Variants in MCF2L2 observed in about 807,000 individuals in gnomAD.
MCF2L2 encodes MCF.2 cell line derived transforming sequence-like 2.
MCF2L2 carries 102 observed loss-of-function variants against 150.2 expected under a neutral mutation model. That is an observed-to-expected ratio of 0.68 (90% CI 0.58 to 0.80). The LOEUF is 0.80. Among genes scored for constraint, MCF2L2 ranks in the 30% least tolerant of loss-of-function variants. The pLI, the probability that MCF2L2 is intolerant of heterozygous loss-of-function variation, is 0.00. For synonymous variants in MCF2L2, 465 were observed against 491.3 expected, an observed-to-expected ratio of 0.95 and a Z score of 0.71; for missense variants, 1,256 against 1,372.8, an observed-to-expected ratio of 0.91 and a Z score of 1.34.
chr3:183,344,662 G>A (rs1284307645), intron 3 of MCF2L2, among the ~76,000 whole-genome samples: 4 of 152,146 alleles, frequency 2.6e-5, no homozygotes, highest in African/African-American at 9.7e-5. Context: ...ACCCATTGGT[G>A]TGCTGTATTC....
chr3:183,413,970 G>A (rs905198770), intron 1 of MCF2L2, among the ~76,000 whole-genome samples: 4 of 152,126 alleles, frequency 2.6e-5, no homozygotes, highest in Admixed American at 6.5e-5. Flanking sequence ...AAGTGGACCC[G>A]TACAGTTCAA....
chr3:183,231,162 T>C (rs756052819), intron 15 of MCF2L2, 145 bp from the exon 16 acceptor site: 32 of 708,760 alleles, frequency 4.5e-5, no homozygotes, highest in Non-Finnish European at 6.4e-5. Context: ...GTTCATTCTG[T>C]TCTATTGAAC....
Position 183,427,882 on chromosome 3 carries a change from A to G in MCF2L2, c.76+20T>C, listed in dbSNP as rs1310007680. 1.2e-6 allele frequency: 2 copies of G among 1,611,190 alleles called. No individual in the cohort carries two copies. The highest frequency in any genetic ancestry group is 1.7e-5 in the Admixed American group (1 of 60,002). The stretch of plus-strand genomic sequence containing the variant: ...CACCCGCCATTAATAAAACGCAGGA[A>G]AAATTAAAGCTTCGTTTACCGACAT... On this transcript the variant is annotated intron_variant, in intron 1 of 29. Coordinates refer to ENST00000328913, the MANE Select transcript of MCF2L2 (RefSeq NM_015078.4).
At chr3:183,386,651 G>A (rs982977904) in intron 2 of MCF2L2, among the ~76,000 whole-genome samples, 4 of 152,160 alleles carry the variant, frequency 2.6e-5, no homozygotes, top group African/African-American at 7.2e-5. Flanking sequence ...TACCTTACTT[G>A]CCTGAATCAG....
At chr3:183,255,651 T>C (rs114226988) in intron 15 of MCF2L2, among the ~76,000 whole-genome samples, 174 of 152,234 alleles carry the variant, frequency 1.1e-3, no homozygotes, top group African/African-American at 4.1e-3. Context: ...GAGGTAGAGA[T>C]GCTTATAACT....
intron 15 of MCF2L2, among the ~76,000 whole-genome samples, chr3:183,252,043 C>T (rs1015725277): frequency 1.3e-5 from 2 of 149,386 alleles, no homozygotes; most frequent in Non-Finnish European, 3.0e-5. Context: ...TGTGTGTCTA[C>T]CACTGTTTTG....
rs528792674 is a variant in MCF2L2 at position 183,286,008 on chromosome 3, A to T, written c.1776+3112T>A. On this transcript the variant is annotated intron_variant, in intron 14 of 29. Transcript: ENST00000328913. ...ACAAGCACAGCGAATCGCTTCCACC[A>T]CCGGGCTTTCCCAGATGACGTCAGT... Among the ~76,000 whole-genome samples the T allele has an allele frequency of 3.2e-3, 490 of 152,236 alleles. 3 individuals carry two copies. Among genetic ancestry groups the T allele is most frequent in the Non-Finnish European group, 5.4e-3 (367 of 68,006 alleles).
intron 25 of MCF2L2, among the ~76,000 whole-genome samples, chr3:183,199,117 A>G (rs1409716916): frequency 1.3e-5 from 2 of 152,186 alleles, no homozygotes; most frequent in Non-Finnish European, 1.5e-5. Flanking sequence ...CTTTCCAGTT[A>G]CACTGCTTGG....
intron 2 of MCF2L2, among the ~76,000 whole-genome samples, chr3:183,383,529 A>G (rs1184796192): frequency 6.6e-6 from 1 of 151,422 alleles, no homozygotes; most frequent in Non-Finnish European, 1.5e-5. Flanking sequence ...GTAAGCCACC[A>G]TGCCCGGCCA....
At chr3:183,247,796 G>T (rs1420527756) in intron 15 of MCF2L2, among the ~76,000 whole-genome samples, 1 of 152,156 alleles carries the variant, frequency 6.6e-6, no homozygotes, top group Non-Finnish European at 1.5e-5. Context: ...ATATGGGAGA[G>T]TGTGCATAGG....
chr3:183,292,594 C>A (rs1360147284), intron 13 of MCF2L2, among the ~76,000 whole-genome samples: 2 of 151,752 alleles, frequency 1.3e-5, no homozygotes, highest in Admixed American at 1.3e-4. Context: ...CACACATGCA[C>A]ACACACACGT....
intron 20 of MCF2L2, among the ~76,000 whole-genome samples, chr3:183,221,369 T>C (rs750305357): frequency 2.6e-5 from 4 of 152,222 alleles, no homozygotes; most frequent in Non-Finnish European, 5.9e-5. Context: ...GAAAGTACTA[T>C]TATTATCTTA....
At chr3:183,279,835 C>T (rs923072162) in intron 14 of MCF2L2, among the ~76,000 whole-genome samples, 1 of 152,194 alleles carries the variant, frequency 6.6e-6, no homozygotes, top group Non-Finnish European at 1.5e-5. Context: ...TCAAGACCAG[C>T]CTGACCAACA....
At chr3:183,301,454 C>T (rs374884943) in intron 10 of MCF2L2, among the ~76,000 whole-genome samples, 63 of 152,192 alleles carry the variant, frequency 4.1e-4, no homozygotes, top group African/African-American at 1.5e-3. Flanking sequence ...AGACAGTCTC[C>T]CTGAGAAGGA....
At chr3:183,394,954 C>G (rs1454849082) in intron 1 of MCF2L2, among the ~76,000 whole-genome samples, 1 of 152,072 alleles carries the variant, frequency 6.6e-6, no homozygotes, top group Admixed American at 6.6e-5. Flanking sequence ...TGGTCGATTC[C>G]ATACCAGTAC....
intron 15 of MCF2L2, among the ~76,000 whole-genome samples, chr3:183,273,626 T>C (rs886396721): frequency 2.6e-5 from 4 of 152,222 alleles, no homozygotes; most frequent in African/African-American, 7.2e-5. Flanking sequence ...ATGGATCACA[T>C]ATATGATGAT....
chr3:183,365,798 A>G (rs1210140384), intron 3 of MCF2L2, among the ~76,000 whole-genome samples: 1 of 152,216 alleles, frequency 6.6e-6, no homozygotes, highest in East Asian at 1.9e-4. Context: ...CATCCTAAGC[A>G]AAGACAAACG....
chr3:183,383,740 G>C (rs544280749), intron 2 of MCF2L2, among the ~76,000 whole-genome samples: 9 of 152,096 alleles, frequency 5.9e-5, no homozygotes, highest in Admixed American at 1.3e-4. Flanking sequence ...AGTTTCCTTT[G>C]ATTCCTCCTT....
intron 4 of MCF2L2, among the ~76,000 whole-genome samples, chr3:183,340,152 C>T (rs1730640177): frequency 6.6e-6 from 1 of 152,176 alleles, no homozygotes; most frequent in African/African-American, 2.4e-5. Flanking sequence ...TAAATGCAAG[C>T]TCCTAACAGA....
Sources: allele counts gnomAD v4.1 joint callset (sites outside exome capture counted in the v4.1 genomes callset), GRCh38; gene constraint gnomAD v4.1.1; transcripts MANE v1.5; gene names NCBI Gene and HGNC (gene_info 2026-07-23, HGNC 2026-07-21).